Variants in DNAJA4 observed in about 807,000 individuals in gnomAD.
DNAJA4 encodes the protein dnaJ homolog subfamily A member 4.
DNAJA4 carries 32 observed loss-of-function variants against 39.7 expected under a neutral mutation model. The observed-to-expected ratio is 0.81, with a 90% CI of 0.61 to 1.08. The LOEUF (loss-of-function observed/expected upper bound fraction) is 1.08, where lower values mean the gene tolerates loss of function less well. Among genes scored for constraint, DNAJA4 ranks in the 50% least tolerant of loss-of-function variants. The probability of loss-of-function intolerance (pLI) is 0.00; values close to 1 mark genes in which losing one functional copy is unlikely to be tolerated. For synonymous variants in DNAJA4, 184 were observed against 182.4 expected, an observed-to-expected ratio of 1.01 and a Z score of -0.07; for missense variants, 439 against 505.1, an observed-to-expected ratio of 0.87 and a Z score of 1.25.
chr15:78,269,192 C>G (rs569607946), intron 1 of DNAJA4, among the ~76,000 whole-genome samples: 134 of 152,224 alleles, frequency 8.8e-4, no homozygotes, highest in African/African-American at 2.7e-3. Context: ...CGTGGGCCAC[C>G]TTGTAGAGGT....
Position 78,264,651 on chromosome 15 carries a change from C to T in DNAJA4, c.-113C>T. ...GCGGCGGCGGCGGCGGCGACCGTGA[C>T]CGTGACGCGCGAGCGGGCGGCGGGG... On this transcript the variant is annotated 5_prime_UTR_variant, in exon 1 of 7. Transcript: ENST00000394852. 2 of 1,017,968 alleles carry T rather than the reference C, an allele frequency of 2.0e-6. No homozygotes were observed. The highest frequency in any genetic ancestry group is 3.5e-5 in the African/African-American group (2 of 56,864). The allele number at this position is 1,017,968 out of a possible 1,614,324, so 63.1% of individuals were successfully genotyped here. A position where few individuals can be genotyped will look rare whatever the true frequency, so the allele number is the denominator to read the frequency against.
chr15:78,266,238 A>G, intron 1 of DNAJA4: 1 of 1,613,712 alleles, frequency 6.2e-7, no homozygotes, highest in Non-Finnish European at 8.5e-7. Flanking sequence ...AAGCTGGCTA[A>G]AGACATGTGG....
chr15:78,278,033 CT>C lies in DNAJA4; in HGVS notation c.878-2008del, dbSNP rs1567119306. On this transcript the variant is annotated intron_variant, in intron 5 of 6. Coordinates refer to ENST00000394852, the MANE Select transcript of DNAJA4 (RefSeq NM_001130182.2). The stretch of plus-strand genomic sequence containing the variant: ...ATTTTCTCTTCTCCCTCTTCTTCCT[CT>C]TTTCTGCTGTTGAAATGCCTTCTTC... The C allele has an allele frequency of 1.3e-5, 6 of 455,962 alleles. No homozygotes were observed. The Admixed American group carries it at 1.4e-4, about 11-fold the overall frequency. The allele number at this position is 455,962 out of a possible 1,614,324, so 28.2% of individuals were successfully genotyped here. A position where few individuals can be genotyped will look rare whatever the true frequency, so the allele number is the denominator to read the frequency against.
intron 5 of DNAJA4, chr15:78,278,375 T>C: frequency 2.3e-6 from 1 of 440,406 alleles, no homozygotes; most frequent in South Asian, 1.6e-5. Flanking sequence ...AGAGATGCAT[T>C]GTTTGGCGAT....
intron 1 of DNAJA4, among the ~76,000 whole-genome samples, chr15:78,266,965 T>A (rs974694547): frequency 1.9e-4 from 29 of 152,204 alleles, no homozygotes; most frequent in African/African-American, 6.8e-4. Context: ...AGTGGCAATT[T>A]AGATCGGAAA....
intron 2 of DNAJA4, 39 bp from the exon 3 acceptor site, chr15:78,273,056 T>C: frequency 8.5e-7 from 1 of 1,175,676 alleles, no homozygotes; most frequent in East Asian, 2.3e-5. Context: ...AATGGTATAT[T>C]TCATTCAACG....
chr15:78,273,073 A>AT (rs770776532), intron 2 of DNAJA4, 22 bp from the exon 3 acceptor site: 46 of 1,390,842 alleles, frequency 3.3e-5, no homozygotes, highest in East Asian at 1.6e-4. Context: ...AACGCCACTA[A>AT]TTTTTTTTCT....
intron 4 of DNAJA4, 64 bp from the exon 5 acceptor site, chr15:78,275,434 A>AAAGCT: frequency 7.3e-7 from 1 of 1,372,900 alleles, no homozygotes; most frequent in Non-Finnish European, 1.0e-6. Context: ...TCCTTCTTCA[A>AAAGCT]AAGCTTTAAG....
chr15:78,270,361 T>G, intron 1 of DNAJA4, 136 bp from the exon 2 acceptor site: 1 of 855,954 alleles, frequency 1.2e-6, no homozygotes, highest in African/African-American at 1.7e-5. Context: ...AGATTCCAGG[T>G]AGAGGATGTA....
intron 5 of DNAJA4, among the ~76,000 whole-genome samples, chr15:78,277,088 G>A (rs1330687867): frequency 6.6e-6 from 1 of 152,196 alleles, no homozygotes; most frequent in Non-Finnish European, 1.5e-5. Flanking sequence ...TATAAAAATA[G>A]TCCGAGGCCC....
rs1222103211 is a variant in DNAJA4, at chr15:78,280,573, G to C, written c.*113G>C. ...TGTGTTTGGGATGTCCTGTGTATGT[G>C]TTCAGCATTCTTAATTGCTGAGTGT... is the stretch of plus-strand genomic sequence containing the variant. On this transcript the variant is annotated 3_prime_UTR_variant, in exon 7 of 7. Coordinates refer to ENST00000394852, the MANE Select transcript of DNAJA4 (RefSeq NM_001130182.2). The C allele has an allele frequency of 1.1e-6, 1 of 886,186 alleles. No individual in the cohort carries two copies. Among genetic ancestry groups the C allele is most frequent in the African/African-American group, 1.7e-5 (1 of 59,316 alleles). 54.9% of individuals were successfully genotyped at this position (886,186 alleles called of 1,614,324 possible).
In DNAJA4 at chr15:78,264,863, C is replaced by A. The variant is rs1259485448; in HGVS notation, c.100C>A (p.His34Asn). ...CTATCGGAAGCTGGCGCTCAAGTAC[C>A]ACCCGGACAAGAACCCGGATGAGGG... ...KAYRKLALKY[H>N]PDKNPDEGEK... The change falls in exon 1 of 7, where the codon CAC (histidine) becomes AAC (asparagine). Residue 34 changes from histidine to asparagine, a missense_variant. Physicochemically the swap from His to Asn is moderately conservative, Grantham distance 68. Transcript: ENST00000394852. The A allele has an allele frequency of 6.2e-7, 1 of 1,607,292 alleles. No homozygotes were observed. Among genetic ancestry groups the A allele is most frequent in the Non-Finnish European group, 8.5e-7 (1 of 1,176,800 alleles).
At chr15:78,269,285 C>T (rs12050695) in intron 1 of DNAJA4, among the ~76,000 whole-genome samples, 51,740 of 152,008 alleles carry the variant, frequency 0.34, 9,119 homozygotes, top group Non-Finnish European at 0.39. Flanking sequence ...TGGAAGACCA[C>T]GGAGGAGGCC....
At position 78,280,291 on chromosome 15, in the gene DNAJA4, AG is replaced by A; in HGVS notation, c.1026del (p.Gln342HisfsTer12). ...KHWLSLEKLPQLEALLPPRQK... is the reference protein window; with the variant it reads ...KHWLSLEKLPXLEALLPPRQK... Reference sequence around the variant, plus strand: ...TGGCTTTCTCTGGAAAAGCTTCCTCAGCTGGAAGCTTTACTCCCTCCTCGAC... The same window carrying A: ...TGGCTTTCTCTGGAAAAGCTTCCTCACTGGAAGCTTTACTCCCTCCTCGAC... On this transcript the variant is annotated frameshift_variant, in exon 7 of 7. Transcript: ENST00000394852. LOFTEE classifies it low-confidence loss of function (END_TRUNC). The A allele has an allele frequency of 6.2e-7, 1 of 1,614,224 alleles. No individual in the cohort carries two copies. Among genetic ancestry groups the A allele is most frequent in the Non-Finnish European group, 8.5e-7 (1 of 1,180,038 alleles).
Position 78,275,786 on chromosome 15 carries a change from GC to G in DNAJA4, c.877+59del, listed in dbSNP as rs1181663141. 15 of 1,279,492 alleles carry G rather than the reference GC, an allele frequency of 1.2e-5. No homozygotes were observed. In the Admixed American group the frequency reaches 3.0e-4, roughly 25 times the overall value. The allele number at this position is 1,279,492 out of a possible 1,614,324, so 79.3% of individuals were successfully genotyped here. On this transcript the variant is annotated intron_variant, in intron 5 of 6. Transcript: ENST00000394852. ...CTGTATGTTTGGCATAATAATTCTG[GC>G]AAGTTAGCCTGATTTTTTTATTGCT... is the stretch of plus-strand genomic sequence containing the variant.
chr15:78,264,270 G>C (rs2049052718), upstream of DNAJA4: 2 of 1,314,540 alleles, frequency 1.5e-6, no homozygotes, highest in Non-Finnish European at 2.0e-6. Flanking sequence ...GACAGTTGTC[G>C]GAGGGCGCCC....
chr15:78,277,689 G>T, intron 5 of DNAJA4: 12 of 297,602 alleles, frequency 4.0e-5, no homozygotes, highest in South Asian at 3.9e-4. Flanking sequence ...CTGTCCAGGG[G>T]TGGACTATTT....
In DNAJA4 at chr15:78,280,165, T is replaced by C. The variant is rs537704664; in HGVS notation, c.978+20T>C. On this transcript the variant is annotated intron_variant, in intron 6 of 6. Coordinates refer to ENST00000394852, the MANE Select transcript of DNAJA4 (RefSeq NM_001130182.2). Reference sequence around the variant, plus strand: ...TTTTTAGTAAGTTCACTATGTTTCATTGTCATGGACATATTATTAAATGCC... The same window carrying C: ...TTTTTAGTAAGTTCACTATGTTTCACTGTCATGGACATATTATTAAATGCC... 2.5e-6 allele frequency: 4 copies of C among 1,612,824 alleles called. No homozygotes were observed. The highest frequency in any genetic ancestry group is 1.1e-5 in the South Asian group (1 of 91,030).
rs1353016570 is a variant in DNAJA4, at chr15:78,279,522, T to G, written c.878-523T>G. 1 of 159,380 alleles carries G rather than the reference T, an allele frequency of 6.3e-6. No individual in the cohort carries two copies. Among genetic ancestry groups the G allele is most frequent in the Non-Finnish European group, 1.4e-5 (1 of 71,780 alleles). The allele number at this position is 159,380 out of a possible 1,614,324, so 9.9% of individuals were successfully genotyped here. On this transcript the variant is annotated intron_variant, in intron 5 of 6. Coordinates refer to ENST00000394852, the MANE Select transcript of DNAJA4 (RefSeq NM_001130182.2). The surrounding 1 kb of genome is among the most constrained non-coding windows in gnomAD (Gnocchi z 4.5). ...GAAGTGCATTGTGACCATGAAGGAG[T>G]CTGCCAGTGGCCAAGCCACCTAGTG...
Sources: allele counts gnomAD v4.1 joint callset (sites outside exome capture counted in the v4.1 genomes callset), GRCh38; gene constraint gnomAD v4.1.1; non-coding constraint Gnocchi (gnomAD v3.1); transcripts MANE v1.5; gene names NCBI Gene and HGNC (gene_info 2026-07-23, HGNC 2026-07-21).